ZCCHC8: variants seen among roughly 807,000 people sequenced by gnomAD.
The protein encoded by ZCCHC8 is zinc finger CCHC domain-containing protein 8.
In ZCCHC8, 27 loss-of-function variants were observed where a neutral mutation model predicts 70.6. That is an observed-to-expected ratio of 0.38 (90% CI 0.28 to 0.53). The LOEUF is 0.53. ZCCHC8 is among the 20% of genes least tolerant of loss of function. The pLI is 0.81. For synonymous variants in ZCCHC8, 293 were observed against 317.4 expected, an observed-to-expected ratio of 0.92 and a Z score of 0.82; for missense variants, 737 against 876.9, an observed-to-expected ratio of 0.84 and a Z score of 2.01.
At chr12:122,477,748 C>G in intron 13 of ZCCHC8, 93 bp downstream of exon 13, 1 of 947,506 alleles carries the variant, frequency 1.1e-6, no homozygotes, top group Non-Finnish European at 1.6e-6. Context: ...CGAGATCACG[C>G]CATTGTACTC....
intron 2 of ZCCHC8, among the ~76,000 whole-genome samples, chr12:122,495,263 G>A (rs150701518): frequency 9.2e-5 from 14 of 152,276 alleles, no homozygotes; most frequent in African/African-American, 3.4e-4. Flanking sequence ...GCTGAGGATG[G>A]CAGATCACCT....
intron 13 of ZCCHC8, among the ~76,000 whole-genome samples, chr12:122,476,680 G>A (rs1180050958): frequency 6.6e-6 from 1 of 151,876 alleles, no homozygotes; most frequent in Non-Finnish European, 1.5e-5. Context: ...AGAAGTGTGT[G>A]ACCCTGGTGA....
In ZCCHC8 at chr12:122,483,080, T is replaced by C; in HGVS notation, c.671+199A>G. On this transcript the variant is annotated intron_variant, in intron 7 of 13. Transcript: ENST00000633063. The surrounding 1 kb of genome is among the most constrained non-coding windows in gnomAD (Gnocchi z 4.4). Reference sequence around the variant, plus strand: ...TACCTTTCCACCCACCCAGGCACATTAGGTGAGAACCAATGAATTCCAGGA... The same window carrying C: ...TACCTTTCCACCCACCCAGGCACATCAGGTGAGAACCAATGAATTCCAGGA... 3 of 598,222 alleles carry C rather than the reference T, an allele frequency of 5.0e-6. No individual in the cohort carries two copies. In the South Asian group the frequency reaches 6.9e-5, roughly 14 times the overall value. The allele number at this position is 598,222 out of a possible 1,614,324, so 37.1% of individuals were successfully genotyped here. A position where few individuals can be genotyped will look rare whatever the true frequency, so the allele number is the denominator to read the frequency against.
rs1957871471 is a variant in ZCCHC8, at chr12:122,498,866, T to C, written c.203A>G (p.Gln68Arg). Residue 68 changes from glutamine to arginine, a missense_variant, in exon 2 of 14, where the codon CAA becomes CGA. Physicochemically the swap from Gln to Arg is conservative, Grantham distance 43. Coordinates refer to ENST00000633063, the MANE Select transcript of ZCCHC8 (RefSeq NM_017612.5). ...ETIEQLRAEN[Q>R]ELKRKLNILT... ...AATGTTCAATTTTCGTTTAAGTTCT[T>C]GATGTTATTATTTGTTAAGGAAGAT... is the stretch of plus-strand genomic sequence containing the variant. 1.2e-6 allele frequency: 2 copies of C among 1,613,130 alleles called. No individual in the cohort carries two copies. Among genetic ancestry groups the C allele is most frequent in the Non-Finnish European group, 8.5e-7 (1 of 1,179,480 alleles).
intron 2 of ZCCHC8, among the ~76,000 whole-genome samples, chr12:122,493,382 G>A (rs1434362206): frequency 6.6e-6 from 1 of 151,906 alleles, no homozygotes; most frequent in Admixed American, 6.6e-5. Context: ...TACAAATTAG[G>A]GGGAGGGAAG....
chr12:122,476,312 A>C (rs1957416332), intron 13 of ZCCHC8, among the ~76,000 whole-genome samples: 1 of 152,220 alleles, frequency 6.6e-6, no homozygotes, highest in Admixed American at 6.5e-5. Flanking sequence ...CTTAGAAGTC[A>C]ACTCATGGCC....
At chr12:122,481,499 T>G in intron 10 of ZCCHC8, 23 bp downstream of exon 10, 7 of 1,575,778 alleles carry the variant, frequency 4.4e-6, no homozygotes, top group Non-Finnish European at 5.1e-6. Flanking sequence ...TTAAGGTGAC[T>G]TCTCTAACTT....
intron 8 of ZCCHC8, chr12:122,482,335 T>C (rs1957552362): frequency 9.0e-6 from 4 of 444,610 alleles, no homozygotes; most frequent in Non-Finnish European, 1.2e-5. Flanking sequence ...CTCATGTTTA[T>C]TCATCTCAAA....
In ZCCHC8 at chr12:122,483,602, GA is replaced by G. The variant is rs11354559; in HGVS notation, c.502-40del. The G allele has an allele frequency of 0.098, 136,556 of 1,387,678 alleles. 7,807 individuals carry two copies. The highest frequency in any genetic ancestry group is 0.14 in the Middle Eastern group (768 of 5,640). 86.0% of individuals were successfully genotyped at this position (1,387,678 alleles called of 1,614,324 possible). A position where few individuals can be genotyped will look rare whatever the true frequency, so the allele number is the denominator to read the frequency against. On this transcript the variant is annotated intron_variant, in intron 5 of 13. Transcript: ENST00000633063. The surrounding 1 kb of genome is among the most constrained non-coding windows in gnomAD (Gnocchi z 4.4). ...GTCAAAAAATATTGCTATTTAAGCAGAAAAAAAGACATTAAATAATGTAAGA... is the reference window on the plus strand; with the variant it reads ...GTCAAAAAATATTGCTATTTAAGCAGAAAAAAGACATTAAATAATGTAAGA...
At chr12:122,477,634 T>C (rs1041561736) in intron 13 of ZCCHC8, among the ~76,000 whole-genome samples, 1 of 133,018 alleles carries the variant, frequency 7.5e-6, no homozygotes, top group South Asian at 2.4e-4. Flanking sequence ...AAAAAAAAAG[T>C]ACAAAAATTA....
At position 122,488,122 on chromosome 12, in the gene ZCCHC8, T is replaced by C. The variant is rs545677205; in HGVS notation, c.501+1264A>G. ...CTCGGCTCACTGCAGCCTCAGTCTCTTGGGTTCAAAGCAATTTCCGTGACT... is the reference window on the plus strand; with the variant it reads ...CTCGGCTCACTGCAGCCTCAGTCTCCTGGGTTCAAAGCAATTTCCGTGACT... On this transcript the variant is annotated intron_variant, in intron 5 of 13. Transcript: ENST00000633063. Among the ~76,000 whole-genome samples the C allele has an allele frequency of 1.2e-4, 18 of 151,932 alleles. No homozygotes were observed. In the South Asian group the frequency reaches 3.5e-3, roughly 30 times the overall value.
Position 122,473,865 on chromosome 12 carries a change from T to C in ZCCHC8, c.1756A>G (p.Ile586Val). ...CCAGCTTCTGATTTCTTTGTAAAAA[T>C]CTCTGGTACCTCAGGCTCATCCAGC... The part of the protein sequence containing the change: ...QTLDEPEVPE[I>V]FTKKSEAGHA... Residue 586 changes from isoleucine to valine, a missense_variant, in exon 14 of 14, where the codon ATT becomes GTT. Transcript: ENST00000633063. The C allele has an allele frequency of 1.2e-6, 2 of 1,613,940 alleles. No individual in the cohort carries two copies. The highest frequency in any genetic ancestry group is 1.3e-5 in the African/African-American group (1 of 75,042).
chr12:122,474,399 G>C (rs1456737402), intron 13 of ZCCHC8, 124 bp from the exon 14 acceptor site: 9 of 859,020 alleles, frequency 1.0e-5, no homozygotes, highest in Non-Finnish European at 1.4e-5. Context: ...CTTAACATGA[G>C]GGAAATTCTG....
At chr12:122,484,581 T>C (rs1957599747) in intron 5 of ZCCHC8, among the ~76,000 whole-genome samples, 1 of 150,108 alleles carries the variant, frequency 6.7e-6, no homozygotes, top group Non-Finnish European at 1.5e-5. Flanking sequence ...TTTTTTGAGA[T>C]GGGGTCTTGC....
At position 122,472,204 on chromosome 12, in the gene ZCCHC8, CCTT is replaced by C. The variant is rs1957328822; in HGVS notation, c.*1290_*1292del. 1 of 146,190 alleles carries C rather than the reference CCTT, an allele frequency of 6.8e-6. No homozygotes were observed. 9.1% of individuals were successfully genotyped at this position (146,190 alleles called of 1,614,324 possible). A position where few individuals can be genotyped will look rare whatever the true frequency, so the allele number is the denominator to read the frequency against. ...TGCTACCACTGATTTTTACAATTTA[CCTT>C]TTTTTTTTTTTTTTTTTGAGATGGA... On this transcript the variant is annotated 3_prime_UTR_variant, in exon 14 of 14. Transcript: ENST00000633063.
At position 122,473,874 on chromosome 12, in the gene ZCCHC8, C is replaced by A. The variant is rs1396091865; in HGVS notation, c.1747G>T (p.Val583Leu). ...SEKQTLDEPE[V>L]PEIFTKKSEA... ...GATTTCTTTGTAAAAATCTCTGGTA[C>A]CTCAGGCTCATCCAGCGTCTGCTTT... is the stretch of plus-strand genomic sequence containing the variant. Residue 583 changes from valine (V) to leucine (L), a missense_variant, in exon 14 of 14, where the codon GTA becomes TTA. By Grantham distance (32) the Val-to-Leu change is conservative. Transcript: ENST00000633063. The A allele has an allele frequency of 1.2e-6, 2 of 1,613,838 alleles. No homozygotes were observed. The highest frequency in any genetic ancestry group is 2.7e-5 in the African/African-American group (2 of 74,914).
At chr12:122,479,703 G>C (rs1011008284) in intron 11 of ZCCHC8, among the ~76,000 whole-genome samples, 3 of 152,056 alleles carry the variant, frequency 2.0e-5, no homozygotes, top group African/African-American at 7.3e-5. Context: ...CCCTTTCTGA[G>C]GGCACAAAAT....
chr12:122,474,497 A>C (rs181639074), intron 13 of ZCCHC8, among the ~76,000 whole-genome samples: 9 of 152,252 alleles, frequency 5.9e-5, no homozygotes, highest in Admixed American at 1.3e-4. Flanking sequence ...TCTGGTGCTA[A>C]AGGCTATCCC....
At chr12:122,497,039 C>T (rs938832963) in intron 2 of ZCCHC8, among the ~76,000 whole-genome samples, 1 of 151,722 alleles carries the variant, frequency 6.6e-6, no homozygotes, top group African/African-American at 2.4e-5. Flanking sequence ...CCCAGCTACT[C>T]AGGAGGCTGA....
Sources: gnomAD v4.1 joint callset for allele counts (sites outside exome capture counted in the v4.1 genomes callset) on GRCh38, gnomAD v4.1.1 for gene constraint, Gnocchi (gnomAD v3.1) non-coding constraint, MANE v1.5 for transcripts, NCBI Gene and HGNC (gene_info 2026-07-23, HGNC 2026-07-21) for gene names.